The following HEATR5B variants were observed in gnomAD, a reference collection of about 807,000 sequenced individuals.
HEATR5B encodes HEAT repeat containing 5B.
In HEATR5B, 156 loss-of-function variants were observed where a neutral mutation model predicts 224.1. That is an observed-to-expected ratio of 0.70 (90% CI 0.61 to 0.80). HEATR5B has a LOEUF of 0.80. Ranked by LOEUF, HEATR5B falls within the 30% of genes least tolerant of loss-of-function variation. The pLI is 0.00. For missense variants in HEATR5B, 2,323 were observed against 2,535.5 expected (o/e 0.92, Z 1.80); for synonymous variants, 1,027 against 893.0 (o/e 1.15, Z -2.68).
intron 18 of HEATR5B, among the ~76,000 whole-genome samples, chr2:37,042,670 T>C (rs970292112): frequency 6.6e-6 from 1 of 152,092 alleles, no homozygotes; most frequent in Non-Finnish European, 1.5e-5. Flanking sequence ...GGCAAGTGGA[T>C]CACTCGAGGT....
intron 10 of HEATR5B, among the ~76,000 whole-genome samples, chr2:37,062,273 C>G (rs907821158): frequency 6.6e-6 from 1 of 151,770 alleles, no homozygotes; most frequent in Non-Finnish European, 1.5e-5. Flanking sequence ...CCAAAAAATA[C>G]AAAAAAATTA....
chr2:37,070,073 T>C (rs1172427439), intron 7 of HEATR5B, among the ~76,000 whole-genome samples, 157 bp downstream of exon 7: 1 of 152,048 alleles, frequency 6.6e-6, no homozygotes, highest in Non-Finnish European at 1.5e-5. Flanking sequence ...AATTTTTTGG[T>C]GTTTTTAGTA....
intron 2 of HEATR5B, among the ~76,000 whole-genome samples, chr2:37,081,446 A>C (rs1412427924): frequency 6.6e-6 from 1 of 152,226 alleles, no homozygotes; most frequent in South Asian, 2.1e-4. Flanking sequence ...AGGGTAAAGA[A>C]AACAGGAGAA....
At chr2:37,038,936 A>C in intron 20 of HEATR5B, among the ~76,000 whole-genome samples, 1 of 140,994 alleles carries the variant, frequency 7.1e-6, no homozygotes, top group Admixed American at 7.1e-5. Context: ...CATATTTTTC[A>C]ATTTCTAGCA....
Position 37,057,792 on chromosome 2 carries a change from T to A in HEATR5B, c.2060-312A>T, listed in dbSNP as rs559209883. 4.6e-5 allele frequency among the ~76,000 whole-genome samples: 7 copies of A among 152,246 alleles called. No individual in the cohort carries two copies. The South Asian group carries it at 1.5e-3, about 32-fold the overall frequency. ...AGCAGGCTGAGGCAGGAGGATTGCT[T>A]GAGCCCAAGAGATTGAGACAAACCT... On this transcript the variant is annotated intron_variant, in intron 14 of 35. Coordinates refer to ENST00000233099, the MANE Select transcript of HEATR5B (RefSeq NM_019024.3).
chr2:37,010,011 C>G (rs1317763934), intron 27 of HEATR5B, among the ~76,000 whole-genome samples: 1 of 152,172 alleles, frequency 6.6e-6, no homozygotes, highest in Non-Finnish European at 1.5e-5. Flanking sequence ...TAGTCACATA[C>G]ATTACCTGTA....
chr2:37,049,555 T>C (rs562293974), intron 18 of HEATR5B, 98 bp downstream of exon 18: 7 of 1,032,646 alleles, frequency 6.8e-6, no homozygotes, highest in South Asian at 1.5e-5. Flanking sequence ...TATTATCACA[T>C]GCTGTATACC....
In HEATR5B at chr2:36,981,743, T is replaced by C. The variant is rs571134703; in HGVS notation, c.5963A>G (p.Asp1988Gly). Residue 1988 changes from aspartate (D) to glycine (G), a missense_variant, in exon 36 of 36, where the codon GAT becomes GGT. Physicochemically the swap from Asp to Gly is moderately conservative, Grantham distance 94. Transcript: ENST00000233099. The stretch of plus-strand genomic sequence containing the variant: ...ACTTGCTGAGGCAAAAGAATTTTCA[T>C]CCAGCAGGTAAGATATCAAAGTGGG... ...LVPTLISYLL[D>G]ENSFASASSA... 5.6e-6 allele frequency: 9 copies of C among 1,613,978 alleles called. No individual in the cohort carries two copies. The highest frequency in any genetic ancestry group is 5.3e-5 in the African/African-American group (4 of 75,016).
rs778667103 is a variant in HEATR5B, at chr2:37,003,716, G to C, written c.4906-30C>G. 6 of 1,478,484 alleles carry C rather than the reference G, an allele frequency of 4.1e-6. No individual in the cohort carries two copies. The South Asian group carries it at 5.3e-5, about 13-fold the overall frequency. The allele number at this position is 1,478,484 out of a possible 1,614,324, so 91.6% of individuals were successfully genotyped here. A position where few individuals can be genotyped will look rare whatever the true frequency, so the allele number is the denominator to read the frequency against. Reference sequence around the variant, plus strand: ...TACAAATAAATACAAATACAGTTAAGTAATTTCAATCTCAAAGAATAACTT... The same window carrying C: ...TACAAATAAATACAAATACAGTTAACTAATTTCAATCTCAAAGAATAACTT... On this transcript the variant is annotated intron_variant, in intron 30 of 35. Coordinates refer to ENST00000233099, the MANE Select transcript of HEATR5B (RefSeq NM_019024.3).
At chr2:37,074,763 A>C (rs761765206) in intron 5 of HEATR5B, among the ~76,000 whole-genome samples, 3 of 152,256 alleles carry the variant, frequency 2.0e-5, no homozygotes, top group Non-Finnish European at 4.4e-5. Context: ...TCTTCGAAGA[A>C]GATATGGATG....
rs540852464 is a variant in HEATR5B at position 37,039,575 on chromosome 2, T to C, written c.3046+754A>G. The stretch of plus-strand genomic sequence containing the variant: ...AACCTCTCTCAGATTCAATATTTGA[T>C]CAATAAAATAGAGATAATATCAGTC... On this transcript the variant is annotated intron_variant, in intron 20 of 35. Transcript: ENST00000233099. Among the ~76,000 whole-genome samples, 58 of 152,318 alleles carry C rather than the reference T, an allele frequency of 3.8e-4. No individual in the cohort carries two copies. In the South Asian group the frequency reaches 0.011, roughly 30 times the overall value.
At chr2:37,049,930 G>A (rs1459669230) in intron 17 of HEATR5B, 87 bp from the exon 18 acceptor site, 1 of 1,301,536 alleles carries the variant, frequency 7.7e-7, no homozygotes, top group Non-Finnish European at 1.0e-6. Context: ...TTGCTCCCTT[G>A]CCCAGGCTGG....
At chr2:37,046,448 G>A (rs1670198125) in intron 18 of HEATR5B, among the ~76,000 whole-genome samples, 1 of 151,994 alleles carries the variant, frequency 6.6e-6, no homozygotes, top group African/African-American at 2.4e-5. Flanking sequence ...AGACCAGCCT[G>A]GCCAACATGG....
In HEATR5B at chr2:37,014,017, A is replaced by C. The variant is rs755681805; in HGVS notation, c.4108T>G (p.Cys1370Gly). Residue 1370 changes from cysteine (C) to glycine (G), a missense_variant, in exon 27 of 36, where the codon TGT (cysteine) becomes GGT (glycine). Transcript: ENST00000233099. ...SDIIAKACQVCSTWIGSGVVS... is the reference protein window; with the variant it reads ...SDIIAKACQVGSTWIGSGVVS... ...ACTCCACTTCCTATCCATGTACTAC[A>C]TACCTAGACAAAGAGAATTCAAAAA... is the stretch of plus-strand genomic sequence containing the variant. 6.5e-7 allele frequency: 1 copy of C among 1,536,390 alleles called. No homozygotes were observed. Among genetic ancestry groups the C allele is most frequent in the East Asian group, 2.3e-5 (1 of 43,240 alleles).
chr2:37,017,511 C>G (rs1160194488), intron 26 of HEATR5B, among the ~76,000 whole-genome samples: 1 of 151,518 alleles, frequency 6.6e-6, no homozygotes, highest in Non-Finnish European at 1.5e-5. Context: ...ATGATGCAAC[C>G]CCGTCTCTAC....
In HEATR5B at chr2:37,060,807, C is replaced by T. The variant is rs1198254492; in HGVS notation, c.1697-74G>A. On this transcript the variant is annotated intron_variant, in intron 11 of 35. Coordinates refer to ENST00000233099, the MANE Select transcript of HEATR5B (RefSeq NM_019024.3). ...ACAAACAAGTGTCAAGCAAAATGAG[C>T]CCAACACAAACTTTATGTAATTTTA... is the stretch of plus-strand genomic sequence containing the variant. 6 of 1,239,214 alleles carry T rather than the reference C, an allele frequency of 4.8e-6. No individual in the cohort carries two copies. In the African/African-American group the frequency reaches 7.6e-5, roughly 16 times the overall value. 76.8% of individuals were successfully genotyped at this position (1,239,214 alleles called of 1,614,324 possible).
chr2:37,023,270 C>G (rs1395183089), intron 24 of HEATR5B, among the ~76,000 whole-genome samples: 1 of 152,058 alleles, frequency 6.6e-6, no homozygotes, highest in Non-Finnish European at 1.5e-5. Flanking sequence ...TTATTAAGCT[C>G]AAGGTCTATG....
intron 35 of HEATR5B, among the ~76,000 whole-genome samples, chr2:36,986,196 G>T (rs1424777590): frequency 6.6e-6 from 1 of 152,074 alleles, no homozygotes; most frequent in Non-Finnish European, 1.5e-5. Context: ...AAGTTATTTT[G>T]ATTTGCCAAA....
At chr2:37,082,041 G>T (rs1417718125) in intron 2 of HEATR5B, among the ~76,000 whole-genome samples, 1 of 124,554 alleles carries the variant, frequency 8.0e-6, no homozygotes, top group Non-Finnish European at 1.6e-5. Context: ...GACATTTGAG[G>T]GAAGTATCTA....
Sources: allele counts gnomAD v4.1 joint callset (sites outside exome capture counted in the v4.1 genomes callset), GRCh38; gene constraint gnomAD v4.1.1; transcripts MANE v1.5; gene names NCBI Gene and HGNC (gene_info 2026-07-23, HGNC 2026-07-21).